PCBP3: variants seen among roughly 807,000 people sequenced by gnomAD.
PCBP3 encodes the protein poly(rC) binding protein 3, also known as poly(rC)-binding protein 3.
In PCBP3, 25 loss-of-function variants were observed where a neutral mutation model predicts 52.7. The ratio of observed to expected loss-of-function variants is 0.47; its 90% confidence interval spans 0.35 to 0.66. The LOEUF (loss-of-function observed/expected upper bound fraction) is 0.66, where lower values mean the gene tolerates loss of function less well. Among genes scored for constraint, PCBP3 ranks in the 30% least tolerant of loss-of-function variants. The probability of loss-of-function intolerance (pLI) is 0.01; values close to 1 mark genes in which losing one functional copy is unlikely to be tolerated. For missense variants in PCBP3, 391 were observed against 490.3 expected, an observed-to-expected ratio of 0.80 and a Z score of 1.91; for synonymous variants, 162 against 183.0, an observed-to-expected ratio of 0.89 and a Z score of 0.93.
At chr21:45,926,404 T>A (rs1217964056) in intron 13 of PCBP3, among the ~76,000 whole-genome samples, 1 of 152,258 alleles carries the variant, frequency 6.6e-6, no homozygotes, top group African/African-American at 2.4e-5. Flanking sequence ...AGTGTATTCC[T>A]TCTAATTATC....
At chr21:45,852,358 AC>A (rs1809021303) in intron 5 of PCBP3, among the ~76,000 whole-genome samples, 1 of 146,718 alleles carries the variant, frequency 6.8e-6, no homozygotes, top group Non-Finnish European at 1.5e-5. Context: ...AGCCACCCTG[AC>A]TTTTGTTCAG....
intron 10 of PCBP3, 89 bp from the exon 11 acceptor site, chr21:45,910,813 C>T (rs1430890377): frequency 3.3e-5 from 45 of 1,343,450 alleles, no homozygotes; most frequent in East Asian, 4.7e-5. Context: ...AAGTGTCCCC[C>T]GAGCTGCCTT....
intron 13 of PCBP3, among the ~76,000 whole-genome samples, chr21:45,922,576 A>G (rs1339299576): frequency 6.6e-6 from 1 of 152,168 alleles, no homozygotes; most frequent in Non-Finnish European, 1.5e-5. Context: ...AAATACCCTC[A>G]TATATACAAA....
At chr21:45,879,277 G>A (rs543352743) in intron 5 of PCBP3, among the ~76,000 whole-genome samples, 3 of 152,254 alleles carry the variant, frequency 2.0e-5, no homozygotes, top group East Asian at 1.9e-4. Context: ...TAGCCACTGC[G>A]CCTGGCCAAG....
chr21:45,839,904 C>A (rs1237472906), intron 4 of PCBP3, among the ~76,000 whole-genome samples: 1 of 152,074 alleles, frequency 6.6e-6, no homozygotes, highest in Non-Finnish European at 1.5e-5. Context: ...TCAGCCTGGT[C>A]TCAAACTCCT....
intron 4 of PCBP3, among the ~76,000 whole-genome samples, chr21:45,778,700 G>A (rs1416013634): frequency 6.6e-6 from 1 of 152,170 alleles, no homozygotes; most frequent in Non-Finnish European, 1.5e-5. Context: ...GATTGGGTTG[G>A]GCAATGCCTG....
intron 1 of PCBP3, among the ~76,000 whole-genome samples, chr21:45,654,764 A>G (rs1288586016): frequency 6.6e-6 from 1 of 152,174 alleles, no homozygotes; most frequent in Non-Finnish European, 1.5e-5. Context: ...AAAGTTTACA[A>G]TTGAGTGTTT....
chr21:45,655,567 T>C (rs1300911564), intron 1 of PCBP3, among the ~76,000 whole-genome samples: 4 of 152,200 alleles, frequency 2.6e-5, no homozygotes, highest in Non-Finnish European at 5.9e-5. Flanking sequence ...TTTTTGTTTT[T>C]TCTTTGGAGA....
rs7279189 is a variant in PCBP3, at chr21:45,829,216, A to G, written c.-125-20745A>G. Reference sequence around the variant, plus strand: ...TGGGCCAGGGCTCTGGATGGGCCCCACGTGGTGGGGGCCTTCAGATTCTCT... The same window carrying G: ...TGGGCCAGGGCTCTGGATGGGCCCCGCGTGGTGGGGGCCTTCAGATTCTCT... On this transcript the variant is annotated intron_variant, in intron 4 of 17. Coordinates refer to ENST00000681687, the MANE Select transcript of PCBP3 (RefSeq NM_001384156.1). The surrounding 1 kb of genome is among the most constrained non-coding windows in gnomAD (Gnocchi z 5.2). The G allele has an allele frequency of 6.8e-3, 1,038 of 152,356 alleles. 14 individuals are homozygous for G. Among genetic ancestry groups the G allele is most frequent in the African/African-American group, 0.023 (966 of 41,560 alleles). 9.4% of individuals were successfully genotyped at this position (152,356 alleles called of 1,614,324 possible). A position where few individuals can be genotyped will look rare whatever the true frequency, so the allele number is the denominator to read the frequency against.
chr21:45,929,853 A>C, intron 13 of PCBP3, 64 bp from the exon 14 acceptor site: 1 of 1,226,114 alleles, frequency 8.2e-7, no homozygotes, highest in South Asian at 1.2e-5. Flanking sequence ...CTGCCGTTTT[A>C]ATTTGGTGTG....
At chr21:45,679,078 ATTTTT>A (rs34808106) in intron 2 of PCBP3, among the ~76,000 whole-genome samples, 3 of 120,820 alleles carry the variant, frequency 2.5e-5, no homozygotes, top group Non-Finnish European at 1.7e-5. Flanking sequence ...GATTGTTAGC[ATTTTT>A]TTTTTTTTTT....
intron 13 of PCBP3, among the ~76,000 whole-genome samples, chr21:45,919,823 G>A (rs956154902): frequency 1.7e-5 from 2 of 120,052 alleles, no homozygotes; most frequent in African/African-American, 7.9e-5. Flanking sequence ...AGGTGTGTGT[G>A]TGTGTGTGTG....
chr21:45,731,849 T>C (rs1019067461), intron 2 of PCBP3, among the ~76,000 whole-genome samples: 2 of 150,588 alleles, frequency 1.3e-5, no homozygotes, highest in Non-Finnish European at 2.9e-5. Context: ...GATATTGTCA[T>C]AAGCCCCACA....
chr21:45,813,442 C>G (rs1171641586), intron 4 of PCBP3, among the ~76,000 whole-genome samples: 1 of 151,960 alleles, frequency 6.6e-6, no homozygotes, highest in South Asian at 2.1e-4. Context: ...TTCAGTCTGC[C>G]TTTCATTTTC....
At chr21:45,799,355 C>T (rs1010044615) in intron 4 of PCBP3, among the ~76,000 whole-genome samples, 3 of 152,102 alleles carry the variant, frequency 2.0e-5, no homozygotes, top group Admixed American at 1.3e-4. Flanking sequence ...ACCCATGGTA[C>T]AGTATAGTGA....
chr21:45,740,893 C>T (rs143452466), intron 3 of PCBP3, among the ~76,000 whole-genome samples: 125 of 152,204 alleles, frequency 8.2e-4, no homozygotes, highest in South Asian at 1.5e-3. Flanking sequence ...CATGGGGAGG[C>T]AGTAGAGATA....
chr21:45,668,560 C>G (rs1283501309), intron 1 of PCBP3, among the ~76,000 whole-genome samples: 1 of 143,316 alleles, frequency 7.0e-6, no homozygotes, highest in Non-Finnish European at 1.5e-5. Flanking sequence ...TACTATAGAG[C>G]TGGGGTAGGG....
At chr21:45,893,254 G>A (rs1331153190) in intron 5 of PCBP3, among the ~76,000 whole-genome samples, 1 of 151,440 alleles carries the variant, frequency 6.6e-6, no homozygotes, top group African/African-American at 2.4e-5. Context: ...GGGGCTCTGT[G>A]TTGCTGGTTG....
Position 45,819,606 on chromosome 21 carries a change from G to A in PCBP3, c.-125-30355G>A, listed in dbSNP as rs138270123. 8.8e-3 allele frequency among the ~76,000 whole-genome samples: 1,343 copies of A among 152,360 alleles called. 86 individuals carry two copies. The highest frequency in any genetic ancestry group is 0.083 in the Admixed American group (1,272 of 15,304). ...AATGGAAAGGGGTCAAACCGCCCAC[G>A]CAGCCCTGAAGTCCTTGATGGTAGT... On this transcript the variant is annotated intron_variant, in intron 4 of 17. Coordinates refer to ENST00000681687, the MANE Select transcript of PCBP3 (RefSeq NM_001384156.1).
Sources: gnomAD v4.1 joint callset for allele counts (sites outside exome capture counted in the v4.1 genomes callset) on GRCh38, gnomAD v4.1.1 for gene constraint, Gnocchi (gnomAD v3.1) non-coding constraint, MANE v1.5 for transcripts, NCBI Gene and HGNC (gene_info 2026-07-23, HGNC 2026-07-21) for gene names.